CACNB4: variants seen among roughly 807,000 people sequenced by gnomAD.
CACNB4 encodes calcium voltage-gated channel auxiliary subunit beta 4.
CACNB4 carries 32 observed loss-of-function variants against 71.2 expected under a neutral mutation model. That is an observed-to-expected ratio of 0.45 (90% CI 0.34 to 0.60). The LOEUF (loss-of-function observed/expected upper bound fraction) is 0.60, where lower values mean the gene tolerates loss of function less well. Ranked by LOEUF, CACNB4 falls within the 20% of genes least tolerant of loss-of-function variation. The pLI, the probability that CACNB4 is intolerant of heterozygous loss-of-function variation, is 0.01. For missense variants in CACNB4, 464 were observed against 647.9 expected, an observed-to-expected ratio of 0.72 and a Z score of 3.08; for synonymous variants, 231 against 236.9, an observed-to-expected ratio of 0.97 and a Z score of 0.23.
At chr2:151,915,088 T>A (rs1272257319) in intron 2 of CACNB4, among the ~76,000 whole-genome samples, 1 of 152,142 alleles carries the variant, frequency 6.6e-6, no homozygotes. Flanking sequence ...AGAGGCTAAG[T>A]TTGCTGGTCC....
rs149669509 is a variant in CACNB4 at position 151,920,876 on chromosome 2, C to T, written c.148-37506G>A. On this transcript the variant is annotated intron_variant, in intron 2 of 13. Transcript: ENST00000539935. Reference sequence around the variant, plus strand: ...ACTTGAGGCCAGGCACGGTGACTCACGCCTGTAATCCTAGCACTTTGGGAG... The same window carrying T: ...ACTTGAGGCCAGGCACGGTGACTCATGCCTGTAATCCTAGCACTTTGGGAG... 2.4e-3 allele frequency among the ~76,000 whole-genome samples: 359 copies of T among 152,196 alleles called. 1 individual carries two copies. Among genetic ancestry groups the T allele is most frequent in the African/African-American group, 7.7e-3 (318 of 41,510 alleles).
At chr2:151,927,819 C>G (rs769658501) in intron 2 of CACNB4, among the ~76,000 whole-genome samples, 17 of 152,224 alleles carry the variant, frequency 1.1e-4, no homozygotes, top group Admixed American at 1.0e-3. Flanking sequence ...GGCTGATGGG[C>G]TGGAAAATAA....
Position 152,098,788 on chromosome 2 carries a change from G to T in CACNB4, c.63+161C>A. 1 of 1,147,020 alleles carries T rather than the reference G, an allele frequency of 8.7e-7. No homozygotes were observed. The highest frequency in any genetic ancestry group is 1.2e-6 in the Non-Finnish European group (1 of 808,132). 71.1% of individuals were successfully genotyped at this position (1,147,020 alleles called of 1,614,324 possible). A position where few individuals can be genotyped will look rare whatever the true frequency, so the allele number is the denominator to read the frequency against. ...GAAGGAGGAGAAAGAGGAGGAGCGG[G>T]AGGAGAAAGGGACGTGGAGGAGGGG... is the stretch of plus-strand genomic sequence containing the variant. On this transcript the variant is annotated intron_variant, in intron 1 of 13. Coordinates refer to ENST00000539935, the MANE Select transcript of CACNB4 (RefSeq NM_000726.5). The surrounding 1 kb of genome is among the most constrained non-coding windows in gnomAD (Gnocchi z 5.3).
At chr2:152,070,316 T>C (rs6741737) in intron 2 of CACNB4, among the ~76,000 whole-genome samples, 90,541 of 152,014 alleles carry the variant, frequency 0.6, 28,729 homozygotes, top group East Asian at 0.85. Flanking sequence ...GCAAACCAAA[T>C]ATACCCGTCT....
At chr2:152,054,357 C>G (rs1261778400) in intron 2 of CACNB4, among the ~76,000 whole-genome samples, 1 of 84,158 alleles carries the variant, frequency 1.2e-5, no homozygotes, top group Non-Finnish European at 2.3e-5. Flanking sequence ...CAAAGCAAAA[C>G]TCCGTCTCAA....
Position 151,836,852 on chromosome 2 carries a change from G to A in CACNB4, c.*2267C>T, listed in dbSNP as rs1194832591. 6.6e-6 allele frequency: 1 copy of A among 151,978 alleles called. No homozygotes were observed. The highest frequency in any genetic ancestry group is 2.4e-5 in the African/African-American group (1 of 41,434). The allele number at this position is 151,978 out of a possible 1,614,324, so 9.4% of individuals were successfully genotyped here. A position where few individuals can be genotyped will look rare whatever the true frequency, so the allele number is the denominator to read the frequency against. ...TGTAAGTATCTTAAAGTAGTTAAAT[G>A]ACCAAACTGCTAATGCTACTACAGA... On this transcript the variant is annotated 3_prime_UTR_variant, in exon 14 of 14. Coordinates refer to ENST00000539935, the MANE Select transcript of CACNB4 (RefSeq NM_000726.5).
intron 2 of CACNB4, among the ~76,000 whole-genome samples, chr2:152,053,101 T>C (rs1685533106): frequency 2.6e-5 from 4 of 152,156 alleles, no homozygotes; most frequent in Admixed American, 2.0e-4. Flanking sequence ...ACTCTGGAAC[T>C]ATAGTTTTGA....
At chr2:151,927,865 C>G (rs1265131638) in intron 2 of CACNB4, among the ~76,000 whole-genome samples, 2 of 152,236 alleles carry the variant, frequency 1.3e-5, no homozygotes, top group African/African-American at 4.8e-5. Flanking sequence ...CTTGACCAGA[C>G]AGATTTATTT....
chr2:151,849,364 T>C (rs561844572), intron 12 of CACNB4, among the ~76,000 whole-genome samples: 4 of 152,196 alleles, frequency 2.6e-5, no homozygotes, highest in African/African-American at 9.6e-5. Context: ...TTCAAGCAAT[T>C]CTCTCACCTC....
intron 2 of CACNB4, among the ~76,000 whole-genome samples, chr2:151,975,634 A>G (rs1298385830): frequency 6.6e-6 from 1 of 152,132 alleles, no homozygotes; most frequent in Non-Finnish European, 1.5e-5. Flanking sequence ...GTCCCTGGCC[A>G]CGTGGAACCT....
intron 2 of CACNB4, among the ~76,000 whole-genome samples, chr2:152,060,949 A>C (rs955938439): frequency 1.9e-4 from 29 of 152,224 alleles, no homozygotes; most frequent in Admixed American, 1.8e-3. Flanking sequence ...ATTATAGGTG[A>C]TCTTTATACT....
At chr2:152,030,387 T>C (rs1267051547) in intron 2 of CACNB4, among the ~76,000 whole-genome samples, 2 of 152,250 alleles carry the variant, frequency 1.3e-5, no homozygotes, top group African/African-American at 4.8e-5. Flanking sequence ...AAGATCATCA[T>C]TAATTTTTAC....
chr2:152,014,547 A>T (rs1263458333), intron 2 of CACNB4, among the ~76,000 whole-genome samples: 2 of 152,062 alleles, frequency 1.3e-5, no homozygotes. Context: ...CCTGGCCAAC[A>T]TGGTGAAACC....
chr2:152,046,962 T>G (rs753482043), intron 2 of CACNB4, among the ~76,000 whole-genome samples: 1 of 152,156 alleles, frequency 6.6e-6, no homozygotes, highest in Non-Finnish European at 1.5e-5. Flanking sequence ...TCAACATTAT[T>G]GAGATGGAGT....
At chr2:151,899,693 TA>T in intron 2 of CACNB4, among the ~76,000 whole-genome samples, 1 of 152,268 alleles carries the variant, frequency 6.6e-6, no homozygotes, top group Non-Finnish European at 1.5e-5. Flanking sequence ...ACAGGGCGGG[TA>T]AGTGGACTTC....
rs1311081042 is a variant in CACNB4, at chr2:151,880,935, C to T, written c.268-13G>A. The T allele has an allele frequency of 1.3e-6, 2 of 1,593,922 alleles. No individual in the cohort carries two copies. Among genetic ancestry groups the T allele is most frequent in the South Asian group, 1.1e-5 (1 of 87,836 alleles). ...CTACAGGTTTGGACTAGGGACAGAA[C>T]CATGGAATAAGGAATGAGGAAGGGA... On this transcript the variant is annotated splice_polypyrimidine_tract_variant and intron_variant, in intron 3 of 13. Transcript: ENST00000539935.
intron 2 of CACNB4, among the ~76,000 whole-genome samples, chr2:151,990,502 C>T (rs1337796534): frequency 6.6e-6 from 1 of 152,186 alleles, no homozygotes; most frequent in Non-Finnish European, 1.5e-5. Flanking sequence ...GCCCTCCTCA[C>T]TCAGGCAACA....
At chr2:152,031,762 G>C (rs1250059183) in intron 2 of CACNB4, among the ~76,000 whole-genome samples, 1 of 152,218 alleles carries the variant, frequency 6.6e-6, no homozygotes, top group Non-Finnish European at 1.5e-5. Context: ...CCTGAAGAGA[G>C]ACCTGGAGTT....
chr2:151,994,504 C>A (rs554113492), intron 2 of CACNB4, among the ~76,000 whole-genome samples: 7 of 147,132 alleles, frequency 4.8e-5, no homozygotes, highest in East Asian at 2.0e-4. Context: ...CCATTCCCAG[C>A]CAAAAGGGTC....
Sources: allele counts gnomAD v4.1 joint callset (sites outside exome capture counted in the v4.1 genomes callset), GRCh38; gene constraint gnomAD v4.1.1; non-coding constraint Gnocchi (gnomAD v3.1); transcripts MANE v1.5; gene names NCBI Gene and HGNC (gene_info 2026-07-23, HGNC 2026-07-21).